AGFG1: variants seen among roughly 807,000 people sequenced by gnomAD.
AGFG1 encodes the protein arf-GAP domain and FG repeat-containing protein 1.
A neutral mutation model predicts 60.6 loss-of-function variants in AGFG1; 10 were observed. That is an observed-to-expected ratio of 0.16 (90% CI 0.10 to 0.28). AGFG1 has a LOEUF of 0.28. Ranked by LOEUF, AGFG1 falls within the 10% of genes least tolerant of loss-of-function variation. The pLI is 1.00. For missense variants in AGFG1, 537 were observed against 676.5 expected (o/e 0.79, Z 2.29); for synonymous variants, 247 against 242.9 (o/e 1.02, Z -0.16).
chr2:227,478,475 C>T (rs1559163951), intron 1 of AGFG1, among the ~76,000 whole-genome samples: 1 of 151,984 alleles, frequency 6.6e-6, no homozygotes, highest in Non-Finnish European at 1.5e-5. Flanking sequence ...TCCCAGGTAC[C>T]TGGGACTACA....
intron 1 of AGFG1, 40 bp downstream of exon 1, chr2:227,472,628 G>C: frequency 6.5e-7 from 1 of 1,541,144 alleles, no homozygotes; most frequent in Non-Finnish European, 8.7e-7. Flanking sequence ...GGCCCTTCCC[G>C]GGAGGTGGGG....
At position 227,546,312 on chromosome 2, in the gene AGFG1, T is replaced by A. The variant is rs538530316; in HGVS notation, c.1379-5647T>A. Among the ~76,000 whole-genome samples, 6 of 152,332 alleles carry A rather than the reference T, an allele frequency of 3.9e-5. No homozygotes were observed. The East Asian group carries it at 1.2e-3, about 29-fold the overall frequency. On this transcript the variant is annotated intron_variant, in intron 10 of 12. Coordinates refer to ENST00000310078, the MANE Select transcript of AGFG1 (RefSeq NM_004504.5). The stretch of plus-strand genomic sequence containing the variant: ...GAGCCAGGCGCGGGATATAATCTTC[T>A]GGTGTGCCGTTTGCTAAGACCTTTG...
intron 2 of AGFG1, among the ~76,000 whole-genome samples, chr2:227,499,355 C>T (rs934367342): frequency 7.2e-5 from 11 of 151,808 alleles, no homozygotes; most frequent in African/African-American, 2.4e-4. Flanking sequence ...GGATTGGAGG[C>T]TTGGCTGGGC....
At chr2:227,538,616 T>A (rs1306253860) in intron 10 of AGFG1, among the ~76,000 whole-genome samples, 1 of 152,212 alleles carries the variant, frequency 6.6e-6, no homozygotes, top group Non-Finnish European at 1.5e-5. Context: ...TGCTGGCAGG[T>A]TTGTTGTAAA....
At chr2:227,510,811 G>A (rs1287198967) in intron 2 of AGFG1, 1 of 152,080 alleles carries the variant, frequency 6.6e-6, no homozygotes, top group African/African-American at 2.4e-5. Context: ...AAGTCCTTAT[G>A]GTAGATGTCT....
intron 10 of AGFG1, among the ~76,000 whole-genome samples, chr2:227,542,477 G>A (rs1692520694): frequency 6.6e-6 from 1 of 152,200 alleles, no homozygotes; most frequent in African/African-American, 2.4e-5. Context: ...ATTTGCATAT[G>A]TTGAACCAGC....
intron 9 of AGFG1, 79 bp downstream of exon 9, chr2:227,536,783 G>C (rs995508271): frequency 7.0e-6 from 11 of 1,563,190 alleles, no homozygotes; most frequent in African/African-American, 5.4e-5. Context: ...AGGAGTCAAA[G>C]CAATGATTTG....
At chr2:227,523,722 C>A (rs750749204) in intron 3 of AGFG1, 41 bp from the exon 4 acceptor site, 17 of 1,572,500 alleles carry the variant, frequency 1.1e-5, no homozygotes, top group South Asian at 1.1e-5. Context: ...TATAGAATTA[C>A]CTACATTTTT....
At chr2:227,505,862 C>T (rs965330104) in intron 2 of AGFG1, among the ~76,000 whole-genome samples, 4 of 152,078 alleles carry the variant, frequency 2.6e-5, no homozygotes, top group Admixed American at 2.0e-4. Flanking sequence ...CTCAGCCTCC[C>T]GAGTAGCTGG....
intron 1 of AGFG1, among the ~76,000 whole-genome samples, chr2:227,489,409 A>G (rs1212131575): frequency 1.3e-5 from 2 of 150,806 alleles, no homozygotes; most frequent in Non-Finnish European, 3.0e-5. Flanking sequence ...TTTAGTAGAG[A>G]TGGGGTTTCA....
At chr2:227,516,746 T>C (rs1381240586) in intron 2 of AGFG1, among the ~76,000 whole-genome samples, 1 of 152,226 alleles carries the variant, frequency 6.6e-6, no homozygotes, top group Non-Finnish European at 1.5e-5. Context: ...ATTTATTTAT[T>C]TGTATGCTTA....
chr2:227,525,364 T>G (rs912353048), intron 5 of AGFG1, among the ~76,000 whole-genome samples: 2 of 152,206 alleles, frequency 1.3e-5, no homozygotes, highest in Non-Finnish European at 2.9e-5. Context: ...TTGTTAAATA[T>G]AACCATATTA....
chr2:227,472,495 A>C lies in AGFG1; in HGVS notation c.74A>C (p.His25Pro). The change falls in exon 1 of 13, where the codon CAC becomes CCC. Residue 25 changes from histidine (H) to proline (P), a missense_variant. By Grantham distance (77) the His-to-Pro change is moderately conservative (BLOSUM62 -2). Transcript: ENST00000310078. ...CTGCGGGACATGACCGGCCTCCCGCACAACCGAAAGTGCTTCGACTGCGAC... is the reference window on the plus strand; with the variant it reads ...CTGCGGGACATGACCGGCCTCCCGCCCAACCGAAAGTGCTTCGACTGCGAC... ...KMLRDMTGLPHNRKCFDCDQR... is the reference protein window; with the variant it reads ...KMLRDMTGLPPNRKCFDCDQR... The C allele has an allele frequency of 6.3e-7, 1 of 1,581,100 alleles. No homozygotes were observed. Among genetic ancestry groups the C allele is most frequent in the South Asian group, 1.1e-5 (1 of 88,908 alleles).
Position 227,533,604 on chromosome 2 carries a change from A to G in AGFG1, c.870A>G (p.Lys290=). ...TTGCTCATTTTGATAACTTCCCCAA[A>G]TCCTCCAGTGCTGATTTTGGAACCT... ...ANFAHFDNFP[K]SSSADFGTFN... The change falls in exon 7 of 13, where the codon AAA becomes AAG. Residue 290 remains lysine, a synonymous_variant. Coordinates refer to ENST00000310078, the MANE Select transcript of AGFG1 (RefSeq NM_004504.5). 4.3e-6 allele frequency: 7 copies of G among 1,613,822 alleles called. No homozygotes were observed. Among genetic ancestry groups the G allele is most frequent in the Non-Finnish European group, 5.1e-6 (6 of 1,179,800 alleles).
chr2:227,490,185 T>C (rs1690765647), intron 1 of AGFG1, among the ~76,000 whole-genome samples: 2 of 152,196 alleles, frequency 1.3e-5, no homozygotes, highest in South Asian at 4.1e-4. Flanking sequence ...CAAAATATTT[T>C]TTAAAAACTT....
chr2:227,481,099 C>CTTTTT (rs36152184), intron 1 of AGFG1, among the ~76,000 whole-genome samples: 29 of 75,744 alleles, frequency 3.8e-4, no homozygotes, highest in Non-Finnish European at 4.7e-4. Context: ...GTGTTTTAGG[C>CTTTTT]TTTTTTTTTT....
chr2:227,537,695 A>T (rs908589507), intron 10 of AGFG1, among the ~76,000 whole-genome samples: 1 of 152,172 alleles, frequency 6.6e-6, no homozygotes, highest in African/African-American at 2.4e-5. Context: ...TTGGAATGTC[A>T]GCAGGTGCAT....
chr2:227,500,803 T>C lies in AGFG1; in HGVS notation c.261+9163T>C, dbSNP rs767954515. Among the ~76,000 whole-genome samples the C allele has an allele frequency of 4.6e-5, 7 of 152,254 alleles. No homozygotes were observed. The South Asian group carries it at 1.0e-3, about 23-fold the overall frequency. ...TTAAATTAAATTAAAAAAAAAATTTTTTTTTTGAGACAGAGTTTCGCTCTT... is the reference window on the plus strand; with the variant it reads ...TTAAATTAAATTAAAAAAAAAATTTCTTTTTTGAGACAGAGTTTCGCTCTT... On this transcript the variant is annotated intron_variant, in intron 2 of 12. Transcript: ENST00000310078.
chr2:227,496,675 A>G (rs11886641), intron 2 of AGFG1, among the ~76,000 whole-genome samples: 91,847 of 152,004 alleles, frequency 0.6, 27,779 homozygotes, highest in South Asian at 0.7. Context: ...TATAATACCT[A>G]TGTATAAAAA....
Sources: gnomAD v4.1 joint callset for allele counts (sites outside exome capture counted in the v4.1 genomes callset) on GRCh38, gnomAD v4.1.1 for gene constraint, MANE v1.5 for transcripts, NCBI Gene and HGNC (gene_info 2026-07-23, HGNC 2026-07-21) for gene names.